CDC42: variants seen among roughly 807,000 people sequenced by gnomAD.
CDC42 encodes cell division control protein 42 homolog.
CDC42 carries 1 observed loss-of-function variant against 20.8 expected under a neutral mutation model. That is an observed-to-expected ratio of 0.05 (90% confidence interval 0.02 to 0.23). The LOEUF (loss-of-function observed/expected upper bound fraction) is 0.23. Ranked by LOEUF, CDC42 falls within the 10% of genes least tolerant of loss-of-function variation. CDC42 has a pLI of 1.00. For missense variants in CDC42, 49 were observed against 227.9 expected, an observed-to-expected ratio of 0.21 and a Z score of 5.05; for synonymous variants, 72 against 84.8, an observed-to-expected ratio of 0.85 and a Z score of 0.83.
At chr1:22,054,032 G>A in intron 1 of CDC42, among the ~76,000 whole-genome samples, 1 of 152,120 alleles carries the variant, frequency 6.6e-6, no homozygotes, top group East Asian at 1.9e-4. Flanking sequence ...TGCATGCTGG[G>A]AATCTCCCTA....
rs16826536 is a variant in CDC42 at position 22,086,842 on chromosome 1, T to C, written c.462T>C (p.Tyr154=). The C allele has an allele frequency of 4.0e-3, 6,524 of 1,613,946 alleles. 84 individuals carry two copies. In the African/African-American group the frequency reaches 0.041, roughly 10 times the overall value. The change falls in exon 5 of 6, where the codon TAT becomes TAC. Residue 154 remains tyrosine, a synonymous_variant. Coordinates refer to ENST00000656825, the MANE Select transcript of CDC42 (RefSeq NM_001791.4). ...CCCGTGACCTGAAGGCTGTCAAGTA[T>C]GTGGAGTGTTCTGCACTTACACAGG... ...KLARDLKAVK[Y]VECSALTQKG... is the part of the protein sequence containing the mutation.
At chr1:22,071,801 C>T (rs1234292737) in intron 1 of CDC42, among the ~76,000 whole-genome samples, 2 of 152,156 alleles carry the variant, frequency 1.3e-5, no homozygotes, top group Admixed American at 1.3e-4. Flanking sequence ...AAACGTATTT[C>T]ACATGAAGGC....
rs1645564978 is a variant in CDC42 at position 22,077,556 on chromosome 1, C to T, written c.-50-873C>T. 3.9e-5 allele frequency among the ~76,000 whole-genome samples: 6 copies of T among 151,912 alleles called. No homozygotes were observed. In the South Asian group the frequency reaches 1.2e-3, roughly 32 times the overall value. Reference sequence around the variant, plus strand: ...ATATTGGGTGGTGTTTCTTTTTATTCTTTCAGAAAACTGTTAAAGTATTTC... The same window carrying T: ...ATATTGGGTGGTGTTTCTTTTTATTTTTTCAGAAAACTGTTAAAGTATTTC... On this transcript the variant is annotated intron_variant, in intron 1 of 5. Transcript: ENST00000656825.
chr1:22,085,890 G>T (rs150251770), intron 3 of CDC42, among the ~76,000 whole-genome samples: 2 of 152,290 alleles, frequency 1.3e-5, no homozygotes, highest in South Asian at 2.1e-4. Flanking sequence ...CTGTCACCCA[G>T]ACTGGAGTAC....
chr1:22,075,244 A>G (rs187298799), intron 1 of CDC42, among the ~76,000 whole-genome samples: 140 of 152,356 alleles, frequency 9.2e-4, no homozygotes, highest in Non-Finnish European at 1.8e-3. Context: ...TGAAACAATT[A>G]TTAATACATG....
chr1:22,078,868 C>G (rs1417319887), intron 2 of CDC42: 1 of 1,246,292 alleles, frequency 8.0e-7, no homozygotes, highest in Non-Finnish European at 1.0e-6. Flanking sequence ...GTATGCCCTA[C>G]ATCTTGGAAT....
At chr1:22,080,568 G>T (rs1257257412) in intron 2 of CDC42, among the ~76,000 whole-genome samples, 2 of 151,906 alleles carry the variant, frequency 1.3e-5, no homozygotes, top group African/African-American at 2.4e-5. Flanking sequence ...GGAAAGCTTT[G>T]CTTTTCTTTT....
intron 5 of CDC42, chr1:22,090,491 G>A (rs1385026625): frequency 4.5e-5 from 44 of 987,440 alleles, no homozygotes; most frequent in Non-Finnish European, 5.3e-5. Flanking sequence ...ATGGGGAAGG[G>A]AGGATTCTTT....
Position 22,098,404 on chromosome 1 carries a change from A to C in CDC42, c.*6887A>C, listed in dbSNP as rs998613242. Among the ~76,000 whole-genome samples, 11 of 152,138 alleles carry C rather than the reference A, an allele frequency of 7.2e-5. No individual in the cohort carries two copies. Among genetic ancestry groups the C allele is most frequent in the Admixed American group, 2.0e-4 (3 of 15,278 alleles). ...TGCAATGGGACCTGAGAATCAATCT[A>C]ATTTCTAAAAGATTCCCAGATAGAA... On this transcript the variant is annotated 3_prime_UTR_variant, in exon 6 of 6. Transcript: ENST00000656825.
chr1:22,072,141 A>G (rs994866384), intron 1 of CDC42, among the ~76,000 whole-genome samples: 38 of 116,076 alleles, frequency 3.3e-4, no homozygotes, highest in Non-Finnish European at 5.3e-4. Context: ...TCTGTTGCCC[A>G]GGCTGGAGTA....
intron 2 of CDC42, among the ~76,000 whole-genome samples, chr1:22,079,753 A>G (rs1645589624): frequency 1.3e-5 from 2 of 152,308 alleles, no homozygotes; most frequent in South Asian, 4.1e-4. Context: ...GAGGACAGCT[A>G]TCAGAATTTT....
intron 1 of CDC42, chr1:22,053,477 T>A (rs1645260813): frequency 6.6e-6 from 1 of 152,266 alleles, no homozygotes; most frequent in Non-Finnish European, 1.5e-5. Flanking sequence ...GCCCGCTCCC[T>A]GCCGGTTTAG....
At chr1:22,089,988 G>A in intron 5 of CDC42, 3 of 1,613,958 alleles carry the variant, frequency 1.9e-6, no homozygotes, top group African/African-American at 1.3e-5. Flanking sequence ...AGCTGCCCTC[G>A]AGCCTCCGGA....
chr1:22,073,431 T>C (rs944718637), intron 1 of CDC42, among the ~76,000 whole-genome samples: 2 of 151,190 alleles, frequency 1.3e-5, no homozygotes, highest in Non-Finnish European at 2.9e-5. Flanking sequence ...CCCAGCTACT[T>C]GGGAGGCTGA....
intron 5 of CDC42, among the ~76,000 whole-genome samples, chr1:22,091,149 G>A (rs1387411474): frequency 6.6e-6 from 1 of 152,196 alleles, no homozygotes; most frequent in East Asian, 1.9e-4. Context: ...TGACACATGT[G>A]CTTGTTTGCT....
At chr1:22,054,801 CTTA>C (rs1645277188) in intron 1 of CDC42, among the ~76,000 whole-genome samples, 2 of 147,326 alleles carry the variant, frequency 1.4e-5, no homozygotes, top group Non-Finnish European at 3.0e-5. Context: ...ACACATCTGC[CTTA>C]TTTTCTTGAG....
intron 1 of CDC42, among the ~76,000 whole-genome samples, chr1:22,066,328 T>C (rs1381097519): frequency 1.3e-5 from 2 of 151,920 alleles, no homozygotes; most frequent in African/African-American, 4.8e-5. Flanking sequence ...TAAGCTGAAA[T>C]TGCGCCACTG....
intron 1 of CDC42, among the ~76,000 whole-genome samples, chr1:22,070,066 G>T (rs917030915): frequency 6.6e-6 from 1 of 152,136 alleles, no homozygotes; most frequent in Non-Finnish European, 1.5e-5. Flanking sequence ...GGGATTGTAG[G>T]CTTGAGCCAC....
chr1:22,081,614 G>C (rs1287291154), intron 2 of CDC42, 108 bp from the exon 3 acceptor site: 1 of 694,266 alleles, frequency 1.4e-6, no homozygotes, highest in Non-Finnish European at 2.6e-6. Flanking sequence ...GATGGACTAG[G>C]GGACGATTAA....
Sources: allele counts gnomAD v4.1 joint callset (sites outside exome capture counted in the v4.1 genomes callset), GRCh38; gene constraint gnomAD v4.1.1; transcripts MANE v1.5; gene names NCBI Gene and HGNC (gene_info 2026-07-23, HGNC 2026-07-21).